MAP2K6: variants seen among roughly 807,000 people sequenced by gnomAD.
MAP2K6 encodes the protein dual specificity mitogen-activated protein kinase kinase 6.
A neutral mutation model predicts 53.7 loss-of-function variants in MAP2K6; 16 were observed. The ratio of observed to expected loss-of-function variants is 0.30; its 90% confidence interval spans 0.20 to 0.45. The LOEUF is 0.45. Among genes scored for constraint, MAP2K6 ranks in the 20% least tolerant of loss-of-function variants. MAP2K6 has a pLI of 1.00. For synonymous variants in MAP2K6, 132 were observed against 143.1 expected, an observed-to-expected ratio of 0.92 and a Z score of 0.55; for missense variants, 204 against 411.9, an observed-to-expected ratio of 0.50 and a Z score of 4.37.
chr17:69,423,135 G>A (rs1030839310), intron 1 of MAP2K6, among the ~76,000 whole-genome samples: 3 of 151,996 alleles, frequency 2.0e-5, no homozygotes, highest in Non-Finnish European at 2.9e-5. Flanking sequence ...CGTCCTCCTC[G>A]GCCTCCCAAA....
chr17:69,535,996 T>G (rs1472732232), intron 10 of MAP2K6, 119 bp from the exon 11 acceptor site: 1 of 677,684 alleles, frequency 1.5e-6, no homozygotes. Context: ...GATAGGAGGC[T>G]GTGTTTTCAA....
chr17:69,536,817 A>G (rs1371520434), intron 11 of MAP2K6, among the ~76,000 whole-genome samples: 2 of 151,650 alleles, frequency 1.3e-5, no homozygotes, highest in African/African-American at 2.4e-5. Context: ...GTGGCTGTTC[A>G]TGCCTGTAAT....
At chr17:69,459,908 T>C (rs916014374) in intron 1 of MAP2K6, among the ~76,000 whole-genome samples, 5 of 150,528 alleles carry the variant, frequency 3.3e-5, no homozygotes, top group African/African-American at 9.8e-5. Context: ...TCTTCTTTCC[T>C]TTTCCCCTCC....
intron 9 of MAP2K6, among the ~76,000 whole-genome samples, chr17:69,526,156 A>T (rs1183652418): frequency 6.6e-6 from 1 of 152,146 alleles, no homozygotes; most frequent in Non-Finnish European, 1.5e-5. Flanking sequence ...TCTCCCTGTC[A>T]TTTCACCAAG....
intron 1 of MAP2K6, among the ~76,000 whole-genome samples, chr17:69,423,917 A>G (rs1236433213): frequency 1.3e-5 from 2 of 152,158 alleles, no homozygotes; most frequent in African/African-American, 4.8e-5. Context: ...TTTTCATGGC[A>G]AAAACCACAA....
chr17:69,538,128 C>G lies in MAP2K6; in HGVS notation c.927+1968C>G, dbSNP rs909735841. ...CAAACAATCCCCCGGCCTGGGCCCC[C>G]CAAGTAGCTGGGACTACAAGTGTGC... is the stretch of plus-strand genomic sequence containing the variant. On this transcript the variant is annotated intron_variant, in intron 11 of 11. Transcript: ENST00000590474. 2.6e-5 allele frequency among the ~76,000 whole-genome samples: 4 copies of G among 152,144 alleles called. No homozygotes were observed. The East Asian group carries it at 5.8e-4, about 22-fold the overall frequency.
chr17:69,491,095 C>CCACA (rs1416036848), intron 1 of MAP2K6, among the ~76,000 whole-genome samples: 1 of 151,760 alleles, frequency 6.6e-6, no homozygotes, highest in Non-Finnish European at 1.5e-5. Context: ...TGTATATGTA[C>CCACA]CACATTGTCT....
At chr17:69,448,457 C>T (rs1392714844) in intron 1 of MAP2K6, among the ~76,000 whole-genome samples, 1 of 152,090 alleles carries the variant, frequency 6.6e-6, no homozygotes, top group East Asian at 1.9e-4. Flanking sequence ...CCTTTCTGTT[C>T]CCAGCCCGAA....
chr17:69,449,774 C>T (rs1287725451), intron 1 of MAP2K6, among the ~76,000 whole-genome samples: 1 of 149,678 alleles, frequency 6.7e-6, no homozygotes, highest in Non-Finnish European at 1.5e-5. Context: ...CCACCTCGCC[C>T]GGCTAATTTT....
intron 9 of MAP2K6, 91 bp downstream of exon 9, chr17:69,525,069 A>G (rs1482031957): frequency 3.6e-6 from 4 of 1,112,512 alleles, no homozygotes; most frequent in African/African-American, 1.5e-5. Context: ...AATGCCCTAA[A>G]TGCTGGTTTG....
rs1183607470 is a variant in MAP2K6 at position 69,421,795 on chromosome 17, G to A, written c.16+6795G>A. On this transcript the variant is annotated intron_variant, in intron 1 of 11. Transcript: ENST00000590474. ...CCTGACCTCGTGATCCACCCGCCTC[G>A]GCCTCCCAAAGTGCTGGGATTACAG... Among the ~76,000 whole-genome samples, 7 of 151,718 alleles carry A rather than the reference G, an allele frequency of 4.6e-5. No individual in the cohort carries two copies. In the East Asian group the frequency reaches 7.8e-4, roughly 17 times the overall value.
chr17:69,505,684 C>T, intron 1 of MAP2K6, 96 bp from the exon 2 acceptor site: 1 of 931,590 alleles, frequency 1.1e-6, no homozygotes, highest in Non-Finnish European at 1.8e-6. Flanking sequence ...ATGAGAGCTG[C>T]CTGTGCAGGT....
At chr17:69,484,227 C>T (rs1311020463) in intron 1 of MAP2K6, among the ~76,000 whole-genome samples, 1 of 151,914 alleles carries the variant, frequency 6.6e-6, no homozygotes. Context: ...TGTAAAGAAC[C>T]TTTCATTTAA....
chr17:69,476,177 T>C (rs769054772), intron 1 of MAP2K6, among the ~76,000 whole-genome samples: 2 of 152,150 alleles, frequency 1.3e-5, no homozygotes, highest in African/African-American at 4.8e-5. Flanking sequence ...TGAAGACATA[T>C]ATATGTATAG....
At chr17:69,463,548 T>C (rs1417634558) in intron 1 of MAP2K6, among the ~76,000 whole-genome samples, 3 of 149,560 alleles carry the variant, frequency 2.0e-5, no homozygotes, top group Non-Finnish European at 4.4e-5. Flanking sequence ...CGCTGCAACC[T>C]CCACCTCCCA....
At chr17:69,478,246 A>G (rs890456424) in intron 1 of MAP2K6, among the ~76,000 whole-genome samples, 10 of 152,222 alleles carry the variant, frequency 6.6e-5, no homozygotes, top group African/African-American at 9.6e-5. Flanking sequence ...ATTCAACCAA[A>G]GAGGCCAGTT....
At chr17:69,524,007 G>T (rs375652457) in intron 8 of MAP2K6, among the ~76,000 whole-genome samples, 31 of 152,014 alleles carry the variant, frequency 2.0e-4, no homozygotes, top group African/African-American at 6.8e-4. Flanking sequence ...CTTAGTCCTC[G>T]CACGGTGAAA....
intron 2 of MAP2K6, among the ~76,000 whole-genome samples, chr17:69,507,480 A>G (rs972417838): frequency 1.3e-5 from 2 of 151,428 alleles, no homozygotes; most frequent in African/African-American, 2.4e-5. Context: ...AATCAAACCC[A>G]CCTCTTCTCC....
chr17:69,495,000 T>G lies in MAP2K6; in HGVS notation c.17-10780T>G, dbSNP rs1908890001. Among the ~76,000 whole-genome samples, 1 of 150,480 alleles carries G rather than the reference T, an allele frequency of 6.6e-6. No homozygotes were observed. Among genetic ancestry groups the G allele is most frequent in the Non-Finnish European group, 1.5e-5 (1 of 67,742 alleles). On this transcript the variant is annotated intron_variant, in intron 1 of 11. Coordinates refer to ENST00000590474, the MANE Select transcript of MAP2K6 (RefSeq NM_002758.4). The surrounding 1 kb of genome is among the most constrained non-coding windows in gnomAD (Gnocchi z 4.2). ...AGCCTGGGCAACAAGAGCGAAACTCTGTCTAGAAAAAAAACCAAAAACCAA... is the reference window on the plus strand; with the variant it reads ...AGCCTGGGCAACAAGAGCGAAACTCGGTCTAGAAAAAAAACCAAAAACCAA...
Sources: gnomAD v4.1 joint callset for allele counts (sites outside exome capture counted in the v4.1 genomes callset) on GRCh38, gnomAD v4.1.1 for gene constraint, Gnocchi (gnomAD v3.1) non-coding constraint, MANE v1.5 for transcripts, NCBI Gene and HGNC (gene_info 2026-07-23, HGNC 2026-07-21) for gene names.